Variants in DNMT1 observed in about 807,000 individuals in gnomAD.
The protein encoded by DNMT1 is DNA (cytosine-5)-methyltransferase 1.
In DNMT1, 24 loss-of-function variants were observed where a neutral mutation model predicts 205.3. The ratio of observed to expected loss-of-function variants is 0.12; its 90% CI spans 0.08 to 0.16. The LOEUF is 0.16. DNMT1 is among the 10% of genes least tolerant of loss of function. The pLI, the probability that DNMT1 is intolerant of heterozygous loss-of-function variation, is 1.00. For missense variants in DNMT1, 1,293 were observed against 2,177.7 expected (o/e 0.59, Z 8.09); for synonymous variants, 817 against 839.8 (o/e 0.97, Z 0.47).
In DNMT1 at chr19:10,162,725, T is replaced by A. The variant is rs1478185698; in HGVS notation, c.950A>T (p.Glu317Val). Residue 317 changes from glutamate (E) to valine (V), a missense_variant, in exon 13 of 41, where the codon GAA (glutamate) becomes GTA (valine). By Grantham distance (121) the Glu-to-Val change is moderately radical. Transcript: ENST00000359526. Reference sequence around the variant, plus strand: ...TGGATTTACTTTTTCAGGTTCTTTTTCTTCGGGCCTCCGTTTGGCAGCTCT... The same window carrying A: ...TGGATTTACTTTTTCAGGTTCTTTTACTTCGGGCCTCCGTTTGGCAGCTCT... Reference protein sequence around the residue: ...KDLAAKRRPEEKEPEKVNPQI... With the variant: ...KDLAAKRRPEVKEPEKVNPQI... The A allele has an allele frequency of 2.5e-6, 4 of 1,614,036 alleles. No homozygotes were observed. The highest frequency in any genetic ancestry group is 4.5e-5 in the East Asian group (2 of 44,898).
rs1229402605 is a variant in DNMT1, at chr19:10,160,425, A to G, written c.1009-7T>C. 1.2e-6 allele frequency: 2 copies of G among 1,614,004 alleles called. No individual in the cohort carries two copies. Among genetic ancestry groups the G allele is most frequent in the Non-Finnish European group, 1.7e-6 (2 of 1,179,930 alleles). On this transcript the variant is annotated splice_polypyrimidine_tract_variant and splice_region_variant and intron_variant, in intron 13 of 40. Transcript: ENST00000359526. Reference sequence around the variant, plus strand: ...TTTTGCGTCTCTTCTCCTCCTACACAGGGAAAACAAAAGAGGATTAAAGGC... The same window carrying G: ...TTTTGCGTCTCTTCTCCTCCTACACGGGGAAAACAAAAGAGGATTAAAGGC...
chr19:10,164,415 T>C (rs924210907), intron 11 of DNMT1, among the ~76,000 whole-genome samples: 4 of 152,126 alleles, frequency 2.6e-5, no homozygotes, highest in Non-Finnish European at 4.4e-5. Context: ...AATGCTGGGA[T>C]TATAGGCGTG....
At chr19:10,191,574 C>G (rs2039305571) in intron 1 of DNMT1, among the ~76,000 whole-genome samples, 1 of 152,122 alleles carries the variant, frequency 6.6e-6, no homozygotes. Flanking sequence ...ACAGGGCCAA[C>G]AGAGCCCCTG....
intron 1 of DNMT1, among the ~76,000 whole-genome samples, chr19:10,193,314 G>A (rs1395808034): frequency 6.6e-6 from 1 of 152,054 alleles, no homozygotes; most frequent in Non-Finnish European, 1.5e-5. Context: ...AATTGTGCCA[G>A]GGCACTCCAG....
Position 10,173,443 on chromosome 19 carries a change from A to G in DNMT1, c.684-269T>C, listed in dbSNP as rs3745271. On this transcript the variant is annotated intron_variant, in intron 8 of 40. Transcript: ENST00000359526. ...ATCTGACCCCAAATTCAGATACTTC[A>G]TAACGATATGGTTGCCATGGAAACA... Among the ~76,000 whole-genome samples the G allele has an allele frequency of 5.8e-3, 882 of 152,160 alleles. 19 individuals are homozygous for G. Among genetic ancestry groups the G allele is most frequent in the East Asian group, 0.034 (177 of 5,184 alleles).
chr19:10,191,957 G>A (rs1435127906), intron 1 of DNMT1, among the ~76,000 whole-genome samples: 3 of 151,948 alleles, frequency 2.0e-5, no homozygotes, highest in Admixed American at 1.3e-4. Context: ...GAGTAGCTGC[G>A]ATTACAGGCA....
intron 9 of DNMT1, among the ~76,000 whole-genome samples, chr19:10,169,465 G>A (rs2038767643): frequency 6.6e-6 from 1 of 151,994 alleles, no homozygotes; most frequent in Non-Finnish European, 1.5e-5. Flanking sequence ...GTGGAGGCAG[G>A]AGAATGGCGT....
intron 27 of DNMT1, among the ~76,000 whole-genome samples, chr19:10,148,492 T>C (rs1219403964): frequency 2.2e-5 from 3 of 134,372 alleles, no homozygotes; most frequent in Non-Finnish European, 4.6e-5. Flanking sequence ...CGAGACTCCG[T>C]CTCAAAAAAA....
At chr19:10,172,402 T>A (rs1174203826) in intron 9 of DNMT1, among the ~76,000 whole-genome samples, 1 of 125,174 alleles carries the variant, frequency 8.0e-6, no homozygotes, top group Non-Finnish European at 1.6e-5. Flanking sequence ...CAAGACTCCA[T>A]CTCAAAAAAA....
At chr19:10,168,285 ATTCAGT>A (rs1367842277) in intron 10 of DNMT1, 39 bp downstream of exon 10, 1 of 1,611,346 alleles carries the variant, frequency 6.2e-7, no homozygotes, top group African/African-American at 1.3e-5. Context: ...TATGTTAGCA[ATTCAGT>A]TTCACAACAA....
rs536233561 is a variant in DNMT1 at position 10,136,381 on chromosome 19, C to T, written c.4490-94G>A. ...GAGCTTTGGGAGGCAGAGATGGCAC[C>T]TCCTGTGCAAGGGGCCCCCTGGGGT... On this transcript the variant is annotated intron_variant, in intron 37 of 40. Transcript: ENST00000359526. The T allele has an allele frequency of 1.3e-5, 20 of 1,548,038 alleles. No individual in the cohort carries two copies. The South Asian group carries it at 1.7e-4, about 14-fold the overall frequency.
intron 1 of DNMT1, among the ~76,000 whole-genome samples, chr19:10,186,509 C>T (rs898217931): frequency 6.6e-6 from 1 of 152,086 alleles, no homozygotes; most frequent in Non-Finnish European, 1.5e-5. Flanking sequence ...GTGCTTCCCT[C>T]AGAGATGAAC....
intron 9 of DNMT1, among the ~76,000 whole-genome samples, chr19:10,171,178 C>T (rs908731997): frequency 1.3e-5 from 2 of 151,260 alleles, no homozygotes; most frequent in African/African-American, 4.9e-5. Context: ...TTGCATAGAA[C>T]CTTAGACTCA....
chr19:10,168,427 G>T (rs2038737640), intron 9 of DNMT1, 63 bp from the exon 10 acceptor site: 1 of 1,551,714 alleles, frequency 6.4e-7, no homozygotes, highest in Non-Finnish European at 8.9e-7. Flanking sequence ...TTCTATTAAA[G>T]TGTCCTATGG....
intron 33 of DNMT1, 114 bp downstream of exon 33, chr19:10,139,932 G>A (rs2089568455): frequency 2.5e-6 from 4 of 1,586,202 alleles, no homozygotes; most frequent in African/African-American, 1.3e-5. Context: ...GGTGAGAGCT[G>A]AGCTGTGAGC....
At position 10,156,206 on chromosome 19, in the gene DNMT1, A is replaced by C. The variant is rs912209178; in HGVS notation, c.1399+185T>G. Among the ~76,000 whole-genome samples, 2 of 150,774 alleles carry C rather than the reference A, an allele frequency of 1.3e-5. No homozygotes were observed. The highest frequency in any genetic ancestry group is 4.9e-5 in the African/African-American group (2 of 41,092). On this transcript the variant is annotated intron_variant, in intron 18 of 40. Coordinates refer to ENST00000359526, the MANE Select transcript of DNMT1 (RefSeq NM_001130823.3). This position sits in a 1 kb window ranked among gnomAD's most constrained non-coding sequence, Gnocchi z 4.2. Reference sequence around the variant, plus strand: ...ATAAGTATATATGTATACTATATATATATGCTATATATTTTTTTTTAATAG... The same window carrying C: ...ATAAGTATATATGTATACTATATATCTATGCTATATATTTTTTTTTAATAG...
chr19:10,182,522 T>C (rs578225856), intron 1 of DNMT1, among the ~76,000 whole-genome samples: 7 of 145,294 alleles, frequency 4.8e-5, no homozygotes, highest in Non-Finnish European at 1.0e-4. Flanking sequence ...TACATATATA[T>C]GTGTATATGT....
intron 9 of DNMT1, among the ~76,000 whole-genome samples, chr19:10,169,996 C>G (rs1181611096): frequency 6.6e-6 from 1 of 152,020 alleles, no homozygotes; most frequent in Admixed American, 6.6e-5. Flanking sequence ...CAATGAAAGA[C>G]CAGCCTCGGC....
rs549998179 is a variant in DNMT1 at position 10,137,400 on chromosome 19, G to A, written c.4294-120C>T. 85 of 1,272,028 alleles carry A rather than the reference G, an allele frequency of 6.7e-5. 2 individuals carry two copies. The highest frequency in any genetic ancestry group is 4.6e-4 in the Admixed American group (22 of 47,736). 78.8% of individuals were successfully genotyped at this position (1,272,028 alleles called of 1,614,324 possible). A position where few individuals can be genotyped will look rare whatever the true frequency, so the allele number is the denominator to read the frequency against. The stretch of plus-strand genomic sequence containing the variant: ...AAGCCCCCTGGGGCTCACGCCCATC[G>A]GGAAAGAGACAGTCAGGGATATCGC... On this transcript the variant is annotated intron_variant, in intron 36 of 40. Transcript: ENST00000359526. The surrounding 1 kb of genome is among the most constrained non-coding windows in gnomAD (Gnocchi z 6.4).
Sources: gnomAD v4.1 joint callset for allele counts (sites outside exome capture counted in the v4.1 genomes callset) on GRCh38, gnomAD v4.1.1 for gene constraint, Gnocchi (gnomAD v3.1) non-coding constraint, MANE v1.5 for transcripts, NCBI Gene and HGNC (gene_info 2026-07-23, HGNC 2026-07-21) for gene names.